The following CNTRL variants were observed in gnomAD, a reference collection of about 807,000 sequenced individuals.
CNTRL encodes 110 kDa centrosomal protein.
Under a neutral mutation model 303.7 loss-of-function variants are expected in CNTRL, and 233 were observed. That is an observed-to-expected ratio of 0.77 (90% CI 0.69 to 0.86). The LOEUF (loss-of-function observed/expected upper bound fraction) is 0.86. Ranked by LOEUF, CNTRL falls within the 40% of genes least tolerant of loss-of-function variation. The pLI, the probability that CNTRL is intolerant of heterozygous loss-of-function variation, is 0.00. For synonymous variants in CNTRL, 900 were observed against 922.2 expected, an observed-to-expected ratio of 0.98 and a Z score of 0.44; for missense variants, 2,524 against 2,650.6, an observed-to-expected ratio of 0.95 and a Z score of 1.05.
Position 121,082,467 on chromosome 9 carries a change from A to G in CNTRL, c.-32+1989A>G, listed in dbSNP as rs189318741. 4.7e-4 allele frequency among the ~76,000 whole-genome samples: 72 copies of G among 152,354 alleles called. 1 individual carries two copies. Among genetic ancestry groups the G allele is most frequent in the Admixed American group, 4.7e-3 (72 of 15,302 alleles). ...CAGGCAAAATTTAGTTTAATTTAACATACAGTCATGTGTCCCTTAATGACA... is the reference window on the plus strand; with the variant it reads ...CAGGCAAAATTTAGTTTAATTTAACGTACAGTCATGTGTCCCTTAATGACA... On this transcript the variant is annotated intron_variant, in intron 2 of 43. Transcript: ENST00000373855.
intron 5 of CNTRL, among the ~76,000 whole-genome samples, chr9:121,096,120 A>G (rs1376253069): frequency 6.6e-6 from 1 of 152,206 alleles, no homozygotes; most frequent in Non-Finnish European, 1.5e-5. Flanking sequence ...GTTTGCTAGT[A>G]CTGTTCACAG....
At chr9:121,119,080 A>ATGTG (rs3047904) in intron 12 of CNTRL, among the ~76,000 whole-genome samples, 41,264 of 148,376 alleles carry the variant, frequency 0.28, 6,645 homozygotes, top group South Asian at 0.45. Flanking sequence ...ACATAAATAT[A>ATGTG]TGTGTGTGTG....
At chr9:121,134,212 A>G (rs1019608346) in intron 14 of CNTRL, among the ~76,000 whole-genome samples, 1 of 152,074 alleles carries the variant, frequency 6.6e-6, no homozygotes, top group African/African-American at 2.4e-5. Flanking sequence ...TTTTAAGAGC[A>G]TTTTCCTGCA....
chr9:121,152,238 G>A (rs1289874147), intron 25 of CNTRL: 1 of 438,944 alleles, frequency 2.3e-6, no homozygotes, highest in Non-Finnish European at 4.2e-6. Context: ...TGGAGGCAGA[G>A]GTTATCCACA....
At chr9:121,174,684 T>G (rs1275232977) in intron 42 of CNTRL, among the ~76,000 whole-genome samples, 7 of 152,148 alleles carry the variant, frequency 4.6e-5, no homozygotes, top group Non-Finnish European at 1.0e-4. Context: ...AGTTGTCAAG[T>G]ATAAACTGAT....
chr9:121,096,422 C>T lies in CNTRL; in HGVS notation c.480C>T (p.Ser160=). 6.6e-7 allele frequency: 1 copy of T among 1,512,358 alleles called. No homozygotes were observed. The highest frequency in any genetic ancestry group is 8.9e-7 in the Non-Finnish European group (1 of 1,125,798). 93.7% of individuals were successfully genotyped at this position (1,512,358 alleles called of 1,614,324 possible). A position where few individuals can be genotyped will look rare whatever the true frequency, so the allele number is the denominator to read the frequency against. Residue 160 remains serine (S), a splice_region_variant and synonymous_variant, in exon 6 of 44, where the codon AGC becomes AGT. Transcript: ENST00000373855. ...TTTTATTTTATCCTTTGCTTTCCAGCAAAATTGAAGGCATAGAAAATATGT... is the reference window on the plus strand; with the variant it reads ...TTTTATTTTATCCTTTGCTTTCCAGTAAAATTGAAGGCATAGAAAATATGT... ...RELNLSYNKI[S]KIEGIENMCN... is the part of the protein sequence containing the mutation.
At chr9:121,154,954 TGA>T in intron 27 of CNTRL, 41 bp downstream of exon 27, 3 of 1,531,878 alleles carry the variant, frequency 2.0e-6, no homozygotes. Context: ...TCAGTGTGGG[TGA>T]GTCAGCTTAC....
At position 121,124,048 on chromosome 9, in the gene CNTRL, GAAGAGATT is replaced by G; in HGVS notation, c.1772_1779del (p.Glu591GlyfsTer3). The G allele has an allele frequency of 6.2e-7, 1 of 1,612,970 alleles. No homozygotes were observed. The highest frequency in any genetic ancestry group is 8.5e-7 in the Non-Finnish European group (1 of 1,179,544). On this transcript the variant is annotated frameshift_variant, in exon 13 of 44. Coordinates refer to ENST00000373855, the MANE Select transcript of CNTRL (RefSeq NM_007018.6). LOFTEE classifies it high-confidence loss of function. ...ACTTTCTAGAATTGCTAAGGAAACGGAAGAGATTAAGGACCTTGAAGAACAGCTTACTG... is the reference window on the plus strand; with the variant it reads ...ACTTTCTAGAATTGCTAAGGAAACGGAAGGACCTTGAAGAACAGCTTACTG...
chr9:121,152,380 G>A (rs886069988), intron 25 of CNTRL, 105 bp from the exon 26 acceptor site: 4 of 820,826 alleles, frequency 4.9e-6, no homozygotes, highest in South Asian at 1.7e-5. Context: ...CATTTTTTGG[G>A]CCATTGATAC....
intron 31 of CNTRL, 87 bp from the exon 32 acceptor site, chr9:121,160,056 T>C: frequency 9.8e-7 from 1 of 1,024,654 alleles, no homozygotes; most frequent in Non-Finnish European, 1.3e-6. Context: ...ATTTCTATGA[T>C]ATAAAACAAT....
At position 121,148,853 on chromosome 9, in the gene CNTRL, C is replaced by G; in HGVS notation, c.3641C>G (p.Pro1214Arg). 2 of 1,612,132 alleles carry G rather than the reference C, an allele frequency of 1.2e-6. No homozygotes were observed. The highest frequency in any genetic ancestry group is 1.7e-6 in the Non-Finnish European group (2 of 1,179,296). ...AGGAGTGGGTTACATAAACTGTTTC[C>G]AAGTAGAGGTAAGTCAAATCACATA... ...PIRSGLHKLF[P>R]SRDADSGGDS... The change falls in exon 24 of 44, where the codon CCA (proline) becomes CGA (arginine). Residue 1214 changes from proline to arginine, a missense_variant. By Grantham distance (103) the Pro-to-Arg change is moderately radical. Transcript: ENST00000373855.
chr9:121,138,755 G>T, intron 16 of CNTRL, 76 bp downstream of exon 16: 1 of 1,485,826 alleles, frequency 6.7e-7, no homozygotes, highest in Non-Finnish European at 9.2e-7. Flanking sequence ...CAGGCACTTA[G>T]CAACCTGCTC....
chr9:121,154,662 C>A (rs774457735), intron 26 of CNTRL, 59 bp from the exon 27 acceptor site: 320 of 1,006,776 alleles, frequency 3.2e-4, no homozygotes, highest in Non-Finnish European at 4.2e-4. Flanking sequence ...AGTTAGGCTA[C>A]AAGTATCTGT....
At chr9:121,175,870 A>G (rs2053503732) in intron 43 of CNTRL, among the ~76,000 whole-genome samples, 2 of 152,186 alleles carry the variant, frequency 1.3e-5, no homozygotes, top group South Asian at 2.1e-4. Context: ...TGAGGCCAAT[A>G]TGAGTCCTAG....
At position 121,135,911 on chromosome 9, in the gene CNTRL, C is replaced by G; in HGVS notation, c.2131C>G (p.Arg711Gly). 6.2e-7 allele frequency: 1 copy of G among 1,613,860 alleles called. No homozygotes were observed. The highest frequency in any genetic ancestry group is 8.5e-7 in the Non-Finnish European group (1 of 1,179,876). The change falls in exon 15 of 44, where the codon CGG becomes GGG. Residue 711 changes from arginine to glycine, a missense_variant. Transcript: ENST00000373855. ...LSAYEAELEARLNLRDAEANQ... is the reference protein window; with the variant it reads ...LSAYEAELEAGLNLRDAEANQ... ...TGCCTATGAAGCTGAGCTAGAGGCT[C>G]GGCTAAACCTAAGGGATGCTGAAGC...
rs139163091 is a variant in CNTRL at position 121,171,268 on chromosome 9, G to A, written c.6277-140G>A. ...GTATTTGATCTGCCCATGAAAGGCCGATAGAATTATCCCCATTTGACAGCT... is the reference window on the plus strand; with the variant it reads ...GTATTTGATCTGCCCATGAAAGGCCAATAGAATTATCCCCATTTGACAGCT... On this transcript the variant is annotated intron_variant, in intron 39 of 43. Transcript: ENST00000373855. 1.2e-4 allele frequency: 101 copies of A among 866,190 alleles called. No homozygotes were observed. In the East Asian group the frequency reaches 2.3e-3, roughly 20 times the overall value. 53.7% of individuals were successfully genotyped at this position (866,190 alleles called of 1,614,324 possible). A position where few individuals can be genotyped will look rare whatever the true frequency, so the allele number is the denominator to read the frequency against.
chr9:121,167,693 G>T lies in CNTRL; in HGVS notation c.5844+16G>T. On this transcript the variant is annotated intron_variant, in intron 37 of 43. Transcript: ENST00000373855. ...ACAAGAAATGGTACTACACATTTAT[G>T]ATTTTACATAAAAAAAGCATTTTGT... 6.2e-7 allele frequency: 1 copy of T among 1,600,028 alleles called. No homozygotes were observed. The highest frequency in any genetic ancestry group is 1.1e-5 in the South Asian group (1 of 89,454).
intron 2 of CNTRL, among the ~76,000 whole-genome samples, chr9:121,081,159 T>C (rs151092882): frequency 1.3e-5 from 2 of 152,362 alleles, no homozygotes; most frequent in East Asian, 3.8e-4. Context: ...TTAATTTCTT[T>C]ATGGCCAGCT....
chr9:121,162,042 T>C lies in CNTRL; in HGVS notation c.5206-12T>C, dbSNP rs778296514. ...CATTTAAGATGTTTGAGTCCTCTTT[T>C]ATCTGATTTAGGAGAAACTGGAGTT... is the stretch of plus-strand genomic sequence containing the variant. On this transcript the variant is annotated splice_polypyrimidine_tract_variant and intron_variant, in intron 33 of 43. Coordinates refer to ENST00000373855, the MANE Select transcript of CNTRL (RefSeq NM_007018.6). 1 of 1,613,956 alleles carries C rather than the reference T, an allele frequency of 6.2e-7. No homozygotes were observed. The highest frequency in any genetic ancestry group is 1.3e-5 in the African/African-American group (1 of 74,906).
Sources: gnomAD v4.1 joint callset for allele counts (sites outside exome capture counted in the v4.1 genomes callset) on GRCh38, gnomAD v4.1.1 for gene constraint, MANE v1.5 for transcripts, NCBI Gene and HGNC (gene_info 2026-07-23, HGNC 2026-07-21) for gene names.